KIF2A: variants seen among roughly 807,000 people sequenced by gnomAD.
KIF2A encodes kinesin-like protein KIF2A.
A neutral mutation model predicts 100.2 loss-of-function variants in KIF2A; 22 were observed. That is an observed-to-expected ratio of 0.22 (90% CI 0.16 to 0.31). The LOEUF (loss-of-function observed/expected upper bound fraction) is 0.31, where lower values mean the gene tolerates loss of function less well. Ranked by LOEUF, KIF2A falls within the 10% of genes least tolerant of loss-of-function variation. KIF2A has a pLI of 1.00. For missense variants in KIF2A, 495 were observed against 898.7 expected (o/e 0.55, Z 5.74); for synonymous variants, 268 against 285.9 (o/e 0.94, Z 0.63).
At chr5:62,309,151 A>G (rs1403539253) in intron 1 of KIF2A, among the ~76,000 whole-genome samples, 1 of 152,192 alleles carries the variant, frequency 6.6e-6, no homozygotes, top group Non-Finnish European at 1.5e-5. Flanking sequence ...TACGGAGCAT[A>G]TTTTATTTAA....
intron 1 of KIF2A, among the ~76,000 whole-genome samples, chr5:62,327,909 C>T (rs1056261022): frequency 1.2e-4 from 19 of 152,080 alleles, no homozygotes; most frequent in Non-Finnish European, 2.2e-4. Context: ...ATCCCTGTCT[C>T]GTTAGGATGT....
At chr5:62,345,019 G>A (rs970015444) in intron 1 of KIF2A, among the ~76,000 whole-genome samples, 1 of 152,200 alleles carries the variant, frequency 6.6e-6, no homozygotes, top group African/African-American at 2.4e-5. Context: ...GCCAAGGTGG[G>A]CAGATCGCCT....
At chr5:62,372,380 T>C in intron 16 of KIF2A, 58 bp from the exon 17 acceptor site, 1 of 827,214 alleles carries the variant, frequency 1.2e-6, no homozygotes, top group Non-Finnish European at 2.0e-6. Flanking sequence ...ATGTGCAATG[T>C]GCATTGCTGT....
chr5:62,380,587 A>G (rs1188525919), intron 19 of KIF2A, among the ~76,000 whole-genome samples: 2 of 152,158 alleles, frequency 1.3e-5, no homozygotes, highest in Non-Finnish European at 2.9e-5. Flanking sequence ...TTGACTATTG[A>G]CCAGAAGCCT....
In KIF2A at chr5:62,309,340, T is replaced by C. The variant is rs547794569; in HGVS notation, c.64+2804T>C. 3.3e-5 allele frequency among the ~76,000 whole-genome samples: 5 copies of C among 152,326 alleles called. No homozygotes were observed. In the East Asian group the frequency reaches 7.7e-4, roughly 23 times the overall value. ...AAGTCATCACAGTGTGTTATTATCC[T>C]AACCTATGGTCATGTATCTTTTTAT... On this transcript the variant is annotated intron_variant, in intron 1 of 20. Coordinates refer to ENST00000407818, the MANE Select transcript of KIF2A (RefSeq NM_001098511.3).
intron 5 of KIF2A, 75 bp downstream of exon 5, chr5:62,352,785 C>A: frequency 8.2e-7 from 1 of 1,212,478 alleles, no homozygotes; most frequent in South Asian, 1.6e-5. Flanking sequence ...CTTTTAAGTC[C>A]TCAAAGAGTA....
chr5:62,349,577 A>T (rs1208092324), intron 3 of KIF2A, among the ~76,000 whole-genome samples: 1 of 152,186 alleles, frequency 6.6e-6, no homozygotes, highest in Non-Finnish European at 1.5e-5. Flanking sequence ...TCCAAGTCTT[A>T]GAAACTCTTA....
intron 16 of KIF2A, among the ~76,000 whole-genome samples, chr5:62,370,912 A>G (rs1328733855): frequency 6.6e-6 from 1 of 152,192 alleles, no homozygotes; most frequent in East Asian, 1.9e-4. Flanking sequence ...TAGGGTGTCT[A>G]AATTAAAAGA....
Position 62,306,258 on chromosome 5 carries a change from C to A in KIF2A, c.-215C>A. ...CGGCCCTAGCTTCACCCCGACTACC[C>A]GGCGTGCGCGTCCTCCTGCCGGCCT... On this transcript the variant is annotated 5_prime_UTR_variant, in exon 1 of 21. Transcript: ENST00000407818. The A allele has an allele frequency of 1.9e-6, 1 of 531,890 alleles. No homozygotes were observed. Among genetic ancestry groups the A allele is most frequent in the Non-Finnish European group, 3.3e-6 (1 of 302,772 alleles). The allele number at this position is 531,890 out of a possible 1,614,324, so 32.9% of individuals were successfully genotyped here.
chr5:62,383,294 G>A (rs1274739446), intron 20 of KIF2A, among the ~76,000 whole-genome samples: 1 of 130,666 alleles, frequency 7.7e-6, no homozygotes, highest in Non-Finnish European at 1.6e-5. Flanking sequence ...GCAGGCTGGA[G>A]TGCAGTGGAG....
intron 9 of KIF2A, 28 bp from the exon 10 acceptor site, chr5:62,361,214 A>T (rs1398945367): frequency 7.8e-7 from 1 of 1,279,942 alleles, no homozygotes; most frequent in East Asian, 2.4e-5. Flanking sequence ...TTGGTGACAC[A>T]TTCTGACTGA....
At chr5:62,342,758 T>C (rs1327862168) in intron 1 of KIF2A, among the ~76,000 whole-genome samples, 1 of 121,862 alleles carries the variant, frequency 8.2e-6, no homozygotes, top group Non-Finnish European at 1.5e-5. Context: ...TTAATCTTAA[T>C]TTTTTTTTTT....
intron 1 of KIF2A, among the ~76,000 whole-genome samples, chr5:62,311,260 G>A (rs1303849197): frequency 2.0e-5 from 3 of 152,062 alleles, no homozygotes; most frequent in Non-Finnish European, 2.9e-5. Context: ...TTTTGGAACC[G>A]TATACCGCTT....
intron 2 of KIF2A, 100 bp from the exon 3 acceptor site, chr5:62,347,948 A>G (rs1479213958): frequency 1.7e-5 from 22 of 1,320,150 alleles, no homozygotes; most frequent in Non-Finnish European, 2.2e-5. Context: ...ATTAGGCTAA[A>G]GTAATTTAAG....
chr5:62,337,653 C>T (rs575888847), intron 1 of KIF2A, among the ~76,000 whole-genome samples: 1 of 151,960 alleles, frequency 6.6e-6, no homozygotes, highest in Non-Finnish European at 1.5e-5. Flanking sequence ...GTCAACATAG[C>T]GAAACCCTGT....
intron 1 of KIF2A, among the ~76,000 whole-genome samples, chr5:62,340,225 C>T (rs1747226659): frequency 6.6e-6 from 1 of 152,178 alleles, no homozygotes; most frequent in African/African-American, 2.4e-5. Flanking sequence ...GCGTGAGCCA[C>T]TGCACCTGGC....
At chr5:62,339,914 T>C (rs1747199037) in intron 1 of KIF2A, among the ~76,000 whole-genome samples, 1 of 151,204 alleles carries the variant, frequency 6.6e-6, no homozygotes. Flanking sequence ...TTATCTCAAA[T>C]ATCTGGGTAG....
intron 1 of KIF2A, among the ~76,000 whole-genome samples, chr5:62,323,451 A>C (rs1746210334): frequency 6.6e-6 from 1 of 151,442 alleles, no homozygotes; most frequent in Non-Finnish European, 1.5e-5. Context: ...TGAACCCAGG[A>C]GGTGGAGCTT....
intron 1 of KIF2A, among the ~76,000 whole-genome samples, chr5:62,310,822 T>C (rs954733849): frequency 6.6e-6 from 1 of 152,112 alleles, no homozygotes; most frequent in African/African-American, 2.4e-5. Flanking sequence ...ACCCACTGAC[T>C]CTTAAAAAAA....
Sources: gnomAD v4.1 joint callset for allele counts (sites outside exome capture counted in the v4.1 genomes callset) on GRCh38, gnomAD v4.1.1 for gene constraint, MANE v1.5 for transcripts, NCBI Gene and HGNC (gene_info 2026-07-23, HGNC 2026-07-21) for gene names.